The following ETV6 variants were observed in gnomAD, a reference collection of about 807,000 sequenced individuals.
The protein encoded by ETV6 is transcription factor ETV6.
ETV6 carries 16 observed loss-of-function variants against 51.1 expected under a neutral mutation model. The ratio of observed to expected loss-of-function variants is 0.31; its 90% confidence interval spans 0.21 to 0.48. The LOEUF (loss-of-function observed/expected upper bound fraction) is 0.48, where lower values mean the gene tolerates loss of function less well. Among genes scored for constraint, ETV6 ranks in the 20% least tolerant of loss-of-function variants. ETV6 has a pLI of 0.99. For synonymous variants in ETV6, 240 were observed against 224.1 expected (o/e 1.07, Z -0.64); for missense variants, 458 against 594.8 (o/e 0.77, Z 2.39).
chr12:11,686,535 A>G (rs1473477329), intron 1 of ETV6, among the ~76,000 whole-genome samples: 1 of 152,032 alleles, frequency 6.6e-6, no homozygotes, highest in African/African-American at 2.4e-5. Context: ...CACTGTCATG[A>G]CTTTTTTTTT....
intron 5 of ETV6, among the ~76,000 whole-genome samples, chr12:11,878,696 A>G (rs1024324075): frequency 1.3e-5 from 2 of 151,916 alleles, no homozygotes; most frequent in African/African-American, 4.8e-5. Context: ...CTGTTTTCCT[A>G]AGCCACGGCA....
Position 11,649,679 on chromosome 12 carries a change from A to T in ETV6, c.-449A>T, listed in dbSNP as rs1003814416. On this transcript the variant is annotated 5_prime_UTR_variant, in exon 1 of 8. Transcript: ENST00000396373. ...GAGCTCAGTGCTGGGAATTCACGTC[A>T]GTTTCTGCACTGAAACTCTCAAGAT... 2.0e-5 allele frequency among the ~76,000 whole-genome samples: 3 copies of T among 149,700 alleles called. No individual in the cohort carries two copies. The highest frequency in any genetic ancestry group is 7.3e-5 in the African/African-American group (3 of 41,232).
chr12:11,856,764 G>A (rs1946638343), intron 4 of ETV6, among the ~76,000 whole-genome samples: 1 of 151,928 alleles, frequency 6.6e-6, no homozygotes, highest in Non-Finnish European at 1.5e-5. Context: ...AATTATGAAG[G>A]ATAACAGATG....
chr12:11,781,298 T>G (rs1945410293), intron 2 of ETV6, among the ~76,000 whole-genome samples: 1 of 152,200 alleles, frequency 6.6e-6, no homozygotes, highest in Non-Finnish European at 1.5e-5. Context: ...CCTCCCCTGC[T>G]TGTGTGTATT....
intron 2 of ETV6, among the ~76,000 whole-genome samples, chr12:11,819,645 C>T (rs1470522263): frequency 6.6e-6 from 1 of 152,238 alleles, no homozygotes; most frequent in Non-Finnish European, 1.5e-5. Context: ...CATCTAGTTT[C>T]AGGAATCAGG....
intron 1 of ETV6, among the ~76,000 whole-genome samples, chr12:11,721,740 G>A (rs960475098): frequency 6.6e-6 from 1 of 152,208 alleles, no homozygotes; most frequent in Non-Finnish European, 1.5e-5. Context: ...CTAGAATTAA[G>A]CAAGGTAATA....
intron 7 of ETV6, among the ~76,000 whole-genome samples, chr12:11,889,023 A>G (rs895793976): frequency 1.3e-5 from 2 of 151,910 alleles, no homozygotes; most frequent in African/African-American, 4.8e-5. Flanking sequence ...TTATCATTCT[A>G]TATTAAACCT....
intron 4 of ETV6, among the ~76,000 whole-genome samples, chr12:11,855,228 C>T (rs1189992790): frequency 6.6e-6 from 1 of 151,958 alleles, no homozygotes; most frequent in African/African-American, 2.4e-5. Flanking sequence ...ATGGAGTGAA[C>T]CCGGGAGGTG....
intron 1 of ETV6, among the ~76,000 whole-genome samples, chr12:11,746,405 G>A (rs1865908900): frequency 6.6e-6 from 1 of 152,164 alleles, no homozygotes; most frequent in South Asian, 2.1e-4. Flanking sequence ...TCCTTGCAGG[G>A]TCATTGTGAG....
Position 11,893,440 on chromosome 12 carries a change from A to G in ETV6, c.*2394A>G, listed in dbSNP as rs1006737033. ...ATTTAAAGCAATATCCCAGGAGAAT[A>G]TGTTAGACTTAGGATGATACCTTCA... On this transcript the variant is annotated 3_prime_UTR_variant, in exon 8 of 8. Transcript: ENST00000396373. The G allele has an allele frequency of 1.7e-5, 4 of 231,686 alleles. No homozygotes were observed. Among genetic ancestry groups the G allele is most frequent in the Non-Finnish European group, 3.4e-5 (4 of 117,202 alleles). The allele number at this position is 231,686 out of a possible 1,614,324, so 14.4% of individuals were successfully genotyped here.
chr12:11,875,666 G>A (rs1296888247), intron 5 of ETV6, among the ~76,000 whole-genome samples: 4 of 152,196 alleles, frequency 2.6e-5, no homozygotes, highest in Non-Finnish European at 4.4e-5. Context: ...AACTGAGATT[G>A]AGACACATCA....
intron 2 of ETV6, among the ~76,000 whole-genome samples, chr12:11,803,064 A>T (rs2856336): frequency 2.0e-5 from 3 of 152,024 alleles, no homozygotes; most frequent in Non-Finnish European, 4.4e-5. Context: ...GTTTTCCTGG[A>T]TTGGGGGTTA....
intron 3 of ETV6, among the ~76,000 whole-genome samples, chr12:11,852,466 A>G (rs1447232836): frequency 6.6e-6 from 1 of 152,112 alleles, no homozygotes; most frequent in East Asian, 1.9e-4. Context: ...AATTTTTTTC[A>G]TGTTTATTCT....
chr12:11,697,655 C>CA (rs772136291), intron 1 of ETV6, among the ~76,000 whole-genome samples: 9 of 152,088 alleles, frequency 5.9e-5, no homozygotes, highest in Non-Finnish European at 1.2e-4. Flanking sequence ...GATAAAAGGG[C>CA]AGGGGATGTT....
intron 2 of ETV6, among the ~76,000 whole-genome samples, chr12:11,784,044 C>T (rs1263301252): frequency 3.3e-5 from 5 of 152,068 alleles, no homozygotes; most frequent in African/African-American, 4.8e-5. Context: ...TGCTCAACAC[C>T]GTAGTGTAGG....
intron 2 of ETV6, among the ~76,000 whole-genome samples, chr12:11,791,785 A>C (rs1945598496): frequency 6.6e-6 from 1 of 152,158 alleles, no homozygotes; most frequent in African/African-American, 2.4e-5. Flanking sequence ...TTTTTTAATA[A>C]TACTTGTAAA....
At chr12:11,724,333 C>T (rs1398530351) in intron 1 of ETV6, among the ~76,000 whole-genome samples, 3 of 152,176 alleles carry the variant, frequency 2.0e-5, no homozygotes, top group African/African-American at 7.2e-5. Context: ...GAGAAAGCTG[C>T]AAGGCCTGTT....
rs527472434 is a variant in ETV6 at position 11,790,838 on chromosome 12, C to T, written c.163+38259C>T. Among the ~76,000 whole-genome samples, 93 of 152,026 alleles carry T rather than the reference C, an allele frequency of 6.1e-4. 1 individual carries two copies. Among genetic ancestry groups the T allele is most frequent in the Admixed American group, 9.2e-4 (14 of 15,270 alleles). On this transcript the variant is annotated intron_variant, in intron 2 of 7. Transcript: ENST00000396373. ...GATCACAGGCGCGCGCCACCACACCCGGCTAATTTTTGTATTTTTAGTAGA... is the reference window on the plus strand; with the variant it reads ...GATCACAGGCGCGCGCCACCACACCTGGCTAATTTTTGTATTTTTAGTAGA...
intron 1 of ETV6, among the ~76,000 whole-genome samples, chr12:11,681,262 T>C (rs1166429979): frequency 1.3e-5 from 2 of 152,242 alleles, no homozygotes; most frequent in African/African-American, 4.8e-5. Context: ...TACAGTGTAC[T>C]ACAGATTTGG....
Sources: gnomAD v4.1 joint callset for allele counts (sites outside exome capture counted in the v4.1 genomes callset) on GRCh38, gnomAD v4.1.1 for gene constraint, MANE v1.5 for transcripts, NCBI Gene and HGNC (gene_info 2026-07-23, HGNC 2026-07-21) for gene names.